GATA4: variants seen among roughly 807,000 people sequenced by gnomAD.
The protein encoded by GATA4 is transcription factor GATA-4.
In GATA4, 7 loss-of-function variants were observed where a neutral mutation model predicts 37.9. That is an observed-to-expected ratio of 0.18 (90% CI 0.11 to 0.35). The LOEUF is 0.35. GATA4 is among the 10% of genes least tolerant of loss of function. GATA4 has a pLI of 1.00. For synonymous variants in GATA4, 372 were observed against 292.6 expected, an observed-to-expected ratio of 1.27 and a Z score of -2.77; for missense variants, 647 against 653.0, an observed-to-expected ratio of 0.99 and a Z score of 0.10.
intron 1 of GATA4, among the ~76,000 whole-genome samples, chr8:11,696,547 A>G (rs973222789): frequency 6.6e-6 from 1 of 152,208 alleles, no homozygotes; most frequent in Admixed American, 6.5e-5. Flanking sequence ...GTTTGGGGCA[A>G]TTATGAATAA....
chr8:11,721,522 C>A (rs951245463), intron 2 of GATA4, among the ~76,000 whole-genome samples: 6 of 151,868 alleles, frequency 4.0e-5, no homozygotes, highest in Admixed American at 3.9e-4. Context: ...GCTGAGTCAC[C>A]CATTTCCCAT....
chr8:11,756,418 CAGA>C (rs1183177103), intron 5 of GATA4: 1 of 204,464 alleles, frequency 4.9e-6, no homozygotes, highest in Non-Finnish European at 1.0e-5. Context: ...GTAGCAATCA[CAGA>C]TAGAGAAGAC....
chr8:11,705,579 C>T (rs55963125), intron 1 of GATA4, among the ~76,000 whole-genome samples: 1 of 152,232 alleles, frequency 6.6e-6, no homozygotes, highest in African/African-American at 2.4e-5. Context: ...AGAGCAAAAA[C>T]TCCCCGATTT....
intron 1 of GATA4, chr8:11,680,409 C>A: frequency 1.1e-6 from 1 of 915,188 alleles, no homozygotes; most frequent in Non-Finnish European, 1.3e-6. Context: ...CCGCCCTCGG[C>A]CCACGAGGCT....
rs776523140 is a variant in GATA4, at chr8:11,750,120, C to T, written c.796C>T (p.Arg266Cys). ...GTTTCCTGTCTTGCAGTCCGCCTCC[C>T]GCCGAGTGGGCCTCTCCTGTGCCAA... Reference protein sequence around the residue: ...IKPQRRLSASRRVGLSCANCQ... With the variant: ...IKPQRRLSASCRVGLSCANCQ... The change falls in exon 4 of 7, where the codon CGC (arginine) becomes TGC (cysteine). Residue 266 changes from arginine (R) to cysteine (C), a missense_variant. Arg to Cys is a radical substitution (Grantham distance 180). Transcript: ENST00000532059. The T allele has an allele frequency of 4.3e-6, 7 of 1,614,032 alleles. No individual in the cohort carries two copies. The highest frequency in any genetic ancestry group is 1.1e-5 in the South Asian group (1 of 91,094).
chr8:11,699,588 A>G (rs1276611954), upstream of GATA4, among the ~76,000 whole-genome samples: 1 of 152,240 alleles, frequency 6.6e-6, no homozygotes. Flanking sequence ...GCAGGAAAAG[A>G]AACATACATG....
intron 2 of GATA4, among the ~76,000 whole-genome samples, chr8:11,728,300 A>T (rs1801036251): frequency 6.6e-6 from 1 of 152,224 alleles, no homozygotes. Flanking sequence ...AATATTAGTC[A>T]TTAAGCCAAC....
In GATA4 at chr8:11,759,220, G is replaced by C. The variant is rs1802762594; in HGVS notation, c.*745G>C. 6.5e-6 allele frequency: 1 copy of C among 153,784 alleles called. No individual in the cohort carries two copies. Among genetic ancestry groups the C allele is most frequent in the South Asian group, 2.0e-4 (1 of 4,890 alleles). 9.5% of individuals were successfully genotyped at this position (153,784 alleles called of 1,614,324 possible). ...CGCAGCTTGTACATGTCTCTCCCCT[G>C]GCAAAACAAGAGCTGGGTAGTTTAG... On this transcript the variant is annotated 3_prime_UTR_variant, in exon 7 of 7. Coordinates refer to ENST00000532059, the MANE Select transcript of GATA4 (RefSeq NM_001308093.3).
At chr8:11,739,752 G>GTTT (rs1801635663) in intron 2 of GATA4, among the ~76,000 whole-genome samples, 1 of 106,316 alleles carries the variant, frequency 9.4e-6, no homozygotes, top group African/African-American at 4.6e-5. Flanking sequence ...CGTGTGCGGA[G>GTTT]CTTCTGTCGT....
At position 11,709,794 on chromosome 8, in the gene GATA4, C is replaced by A. The variant is rs1440339167; in HGVS notation, c.616+866C>A. On this transcript the variant is annotated intron_variant, in intron 2 of 6. Coordinates refer to ENST00000532059, the MANE Select transcript of GATA4 (RefSeq NM_001308093.3). The surrounding 1 kb of genome is among the most constrained non-coding windows in gnomAD (Gnocchi z 4.3). ...GGGAGGGACGGCAAACCTGTCTCAA[C>A]CTCCACTGATTCACAAATAAACGCA... Among the ~76,000 whole-genome samples, 1 of 152,174 alleles carries A rather than the reference C, an allele frequency of 6.6e-6. No individual in the cohort carries two copies. Among genetic ancestry groups the A allele is most frequent in the African/African-American group, 2.4e-5 (1 of 41,440 alleles).
chr8:11,749,026 G>A lies in GATA4; in HGVS notation c.727G>A (p.Gly243Ser), dbSNP rs1060500082. The A allele has an allele frequency of 1.9e-6, 3 of 1,614,098 alleles. No individual in the cohort carries two copies. The highest frequency in any genetic ancestry group is 1.3e-5 in the African/African-American group (1 of 74,918). Residue 243 changes from glycine to serine, a missense_variant, in exon 3 of 7, where the codon GGC (glycine) becomes AGC (serine). Around this residue, in one of 5 missense-constraint regions of GATA4, gnomAD observed 56 missense variants for 64.5 expected, o/e 0.87. Coordinates refer to ENST00000532059, the MANE Select transcript of GATA4 (RefSeq NM_001308093.3). This position sits in a 1 kb window ranked among gnomAD's most constrained non-coding sequence, Gnocchi z 4.6. Reference protein sequence around the residue: ...GTGHYLCNACGLYHKMNGINR... With the variant: ...GTGHYLCNACSLYHKMNGINR... The stretch of plus-strand genomic sequence containing the variant: ...GGGTCACTATCTGTGCAACGCCTGC[G>A]GCCTCTACCACAAGATGAACGGCAT...
At chr8:11,740,954 G>A (rs1371540226) in intron 2 of GATA4, among the ~76,000 whole-genome samples, 5 of 152,022 alleles carry the variant, frequency 3.3e-5, no homozygotes, top group African/African-American at 4.8e-5. Context: ...GGCTGGCCTT[G>A]AACTCCTGAC....
chr8:11,737,959 T>C (rs1801540458), intron 2 of GATA4, among the ~76,000 whole-genome samples: 1 of 152,068 alleles, frequency 6.6e-6, no homozygotes, highest in African/African-American at 2.4e-5. Flanking sequence ...GCCTGGCGGA[T>C]CACCTAGGCT....
rs1292793519 is a variant in GATA4, at chr8:11,758,510, C to A, written c.*35C>A. On this transcript the variant is annotated 3_prime_UTR_variant, in exon 7 of 7. Coordinates refer to ENST00000532059, the MANE Select transcript of GATA4 (RefSeq NM_001308093.3). ...TTCCCTCCTCAAATTCCTGCACGGACCTGGGACTTGGAGGATAGCAAAGAA... is the reference window on the plus strand; with the variant it reads ...TTCCCTCCTCAAATTCCTGCACGGAACTGGGACTTGGAGGATAGCAAAGAA... The A allele has an allele frequency of 1.2e-6, 2 of 1,610,016 alleles. No homozygotes were observed. The highest frequency in any genetic ancestry group is 8.5e-7 in the Non-Finnish European group (1 of 1,176,320).
intron 2 of GATA4, among the ~76,000 whole-genome samples, chr8:11,742,310 C>T (rs62489352): frequency 0.31 from 47,609 of 151,698 alleles, 8,243 homozygotes; most frequent in Non-Finnish European, 0.39. Context: ...TTTCCCCTAT[C>T]ATTTGTTCTT....
chr8:11,747,470 G>A (rs936228118), intron 2 of GATA4, among the ~76,000 whole-genome samples: 11 of 152,192 alleles, frequency 7.2e-5, no homozygotes, highest in South Asian at 6.2e-4. Flanking sequence ...CAGCTCTAAA[G>A]TGCCATTGCT....
At chr8:11,726,270 G>C (rs945178090) in intron 2 of GATA4, among the ~76,000 whole-genome samples, 1 of 152,220 alleles carries the variant, frequency 6.6e-6, no homozygotes, top group African/African-American at 2.4e-5. Flanking sequence ...GCCCAGGGAT[G>C]AGCCCATGTG....
At chr8:11,687,185 G>A (rs775924073) in intron 1 of GATA4, among the ~76,000 whole-genome samples, 4 of 152,108 alleles carry the variant, frequency 2.6e-5, no homozygotes, top group Non-Finnish European at 5.9e-5. Flanking sequence ...TTTGAAAAAC[G>A]CTTCATTCTC....
At chr8:11,696,141 A>T (rs1478579540) in intron 1 of GATA4, among the ~76,000 whole-genome samples, 2 of 152,104 alleles carry the variant, frequency 1.3e-5, no homozygotes, top group African/African-American at 2.4e-5. Context: ...AGTGCAACTT[A>T]TATACAGTAA....
Sources: gnomAD v4.1 joint callset for allele counts (sites outside exome capture counted in the v4.1 genomes callset) on GRCh38, gnomAD v4.1.1 for gene constraint, gnomAD v4.1.1 regional missense constraint, Gnocchi (gnomAD v3.1) non-coding constraint, MANE v1.5 for transcripts, NCBI Gene and HGNC (gene_info 2026-07-23, HGNC 2026-07-21) for gene names.